PKD2L1: variants seen among roughly 807,000 people sequenced by gnomAD.
The protein encoded by PKD2L1 is polycystin-2-like protein 1.
A neutral mutation model predicts 93.0 loss-of-function variants in PKD2L1; 77 were observed. That is an observed-to-expected ratio of 0.83 (90% CI 0.69 to 1.00). PKD2L1 has a LOEUF of 1.00. PKD2L1 is among the 50% of genes least tolerant of loss of function. The pLI, the probability that PKD2L1 is intolerant of heterozygous loss-of-function variation, is 0.00. For missense variants in PKD2L1, 977 were observed against 990.9 expected (o/e 0.99, Z 0.19); for synonymous variants, 390 against 388.0 (o/e 1.01, Z -0.06).
chr10:100,299,961 A>G (rs1848641421), intron 2 of PKD2L1, among the ~76,000 whole-genome samples: 1 of 152,082 alleles, frequency 6.6e-6, no homozygotes, highest in Middle Eastern at 3.2e-3. Context: ...ACTGAACTCC[A>G]CTCAGTAGTT....
At chr10:100,304,426 A>G (rs1848753239) in intron 2 of PKD2L1, among the ~76,000 whole-genome samples, 1 of 152,232 alleles carries the variant, frequency 6.6e-6, no homozygotes, top group Admixed American at 6.5e-5. Context: ...TTCATTAAAC[A>G]AACATTATTC....
At chr10:100,312,613 A>G (rs1848959395) in intron 2 of PKD2L1, among the ~76,000 whole-genome samples, 1 of 152,154 alleles carries the variant, frequency 6.6e-6, no homozygotes, top group Admixed American at 6.6e-5. Context: ...AGATAGGAGT[A>G]GAGGACAGGG....
intron 4 of PKD2L1, 54 bp from the exon 5 acceptor site, chr10:100,297,660 T>A (rs1848579765): frequency 1.6e-6 from 2 of 1,282,688 alleles, no homozygotes; most frequent in East Asian, 4.7e-5. Flanking sequence ...CCCAAGGCAA[T>A]GGCAATGCTT....
At chr10:100,308,372 T>C (rs1848853749) in intron 2 of PKD2L1, among the ~76,000 whole-genome samples, 1 of 152,042 alleles carries the variant, frequency 6.6e-6, no homozygotes, top group Non-Finnish European at 1.5e-5. Context: ...CTCTCTCTTG[T>C]TGCCCTGGCT....
chr10:100,324,042 G>C (rs1260610882), intron 2 of PKD2L1, among the ~76,000 whole-genome samples: 1 of 152,172 alleles, frequency 6.6e-6, no homozygotes, highest in Non-Finnish European at 1.5e-5. Flanking sequence ...TGGCCAGGCT[G>C]GTCTCGAACT....
intron 10 of PKD2L1, 52 bp from the exon 11 acceptor site, chr10:100,293,121 C>T: frequency 1.9e-6 from 3 of 1,599,934 alleles, no homozygotes; most frequent in Admixed American, 1.7e-5. Flanking sequence ...TCACTCATCC[C>T]TGGCCCCCAG....
chr10:100,315,068 AGGG>A (rs1564891429), intron 2 of PKD2L1, among the ~76,000 whole-genome samples: 1 of 18,594 alleles, frequency 5.4e-5, no homozygotes, highest in East Asian at 2.1e-3. Context: ...AGGGAAGGGA[AGGG>A]AAGGGAAGGG....
chr10:100,318,097 A>G (rs1849141648), intron 2 of PKD2L1, among the ~76,000 whole-genome samples: 1 of 151,152 alleles, frequency 6.6e-6, no homozygotes. Context: ...AAAAAAAAAG[A>G]GAGAAGAAAA....
At chr10:100,289,878 T>C in intron 14 of PKD2L1, 137 bp downstream of exon 14, 2 of 1,043,334 alleles carry the variant, frequency 1.9e-6, no homozygotes, top group Non-Finnish European at 2.9e-6. Context: ...GCTGATACAC[T>C]AACCGCTATG....
intron 2 of PKD2L1, among the ~76,000 whole-genome samples, chr10:100,327,109 T>C (rs781198145): frequency 3.9e-5 from 6 of 152,118 alleles, no homozygotes; most frequent in Non-Finnish European, 8.8e-5. Flanking sequence ...TCTATGTGTT[T>C]CTCAGTCCAA....
chr10:100,294,992 G>A lies in PKD2L1; in HGVS notation c.1488C>T (p.Tyr496=). The change falls in exon 8 of 16, where the codon TAC becomes TAT. Residue 496 remains tyrosine (Y), a synonymous_variant. Transcript: ENST00000318222. The stretch of plus-strand genomic sequence containing the variant: ...TTTCCACTTGGGTCCCGAAAAGCAG[G>A]TAGCCGAGTTGGGCATAGGCGAAGA... ...IVFFAYAQLG[Y]LLFGTQVENF... is the part of the protein sequence containing the mutation. 1 of 1,614,194 alleles carries A rather than the reference G, an allele frequency of 6.2e-7. No individual in the cohort carries two copies. The highest frequency in any genetic ancestry group is 8.5e-7 in the Non-Finnish European group (1 of 1,180,036).
chr10:100,318,122 C>T (rs893512086), intron 2 of PKD2L1, among the ~76,000 whole-genome samples: 4 of 151,896 alleles, frequency 2.6e-5, no homozygotes, highest in African/African-American at 9.7e-5. Context: ...GCCCTCATTC[C>T]TTATTTTTGT....
chr10:100,291,258 G>A (rs144219094), intron 12 of PKD2L1, 43 bp downstream of exon 12: 8 of 1,592,764 alleles, frequency 5.0e-6, no homozygotes, highest in East Asian at 2.2e-5. Context: ...GAGAGGGTGA[G>A]CTATTTCCTT....
At chr10:100,302,958 G>A (rs1369932809) in intron 2 of PKD2L1, among the ~76,000 whole-genome samples, 3 of 152,064 alleles carry the variant, frequency 2.0e-5, no homozygotes, top group African/African-American at 7.2e-5. Context: ...AAGTATTTAG[G>A]AACAAAAGGG....
At chr10:100,328,740 C>T (rs1260118051) in intron 2 of PKD2L1, among the ~76,000 whole-genome samples, 1 of 152,112 alleles carries the variant, frequency 6.6e-6, no homozygotes, top group East Asian at 1.9e-4. Context: ...ATTACAGGCA[C>T]CTGCCACCCA....
intron 2 of PKD2L1, among the ~76,000 whole-genome samples, chr10:100,322,477 CA>C (rs554203238): frequency 3.7e-4 from 48 of 128,406 alleles, no homozygotes; most frequent in African/African-American, 4.9e-4. Flanking sequence ...GACTCTGTCT[CA>C]AAAAAAAAAA....
At chr10:100,294,709 A>C in intron 8 of PKD2L1, 54 bp from the exon 9 acceptor site, 2 of 1,609,446 alleles carry the variant, frequency 1.2e-6, no homozygotes, top group Non-Finnish European at 1.7e-6. Context: ...CCCCCATCCC[A>C]CTTTCCTAAT....
Position 100,321,771 on chromosome 10 carries a change from G to A in PKD2L1, c.349+7440C>T, listed in dbSNP as rs1156907331. On this transcript the variant is annotated intron_variant, in intron 2 of 15. Coordinates refer to ENST00000318222, the MANE Select transcript of PKD2L1 (RefSeq NM_016112.3). ...AGAAAGAAAGAAGGGAGGGAGGGAG[G>A]GAGGGAGGGAGGGAGGGAGGGAGGG... Among the ~76,000 whole-genome samples the A allele has an allele frequency of 2.2e-3, 7 of 3,136 alleles. 3 individuals are homozygous for A. The highest frequency in any genetic ancestry group is 9.7e-3 in the African/African-American group (7 of 724). The allele number at this position is 3,136 out of a possible 152,430, so 2.1% of individuals were successfully genotyped here. A position where few individuals can be genotyped will look rare whatever the true frequency, so the allele number is the denominator to read the frequency against.
chr10:100,290,249 G>A, intron 13 of PKD2L1, 111 bp from the exon 14 acceptor site: 1 of 1,429,556 alleles, frequency 7.0e-7, no homozygotes, highest in South Asian at 1.2e-5. Context: ...AACAAGGAAG[G>A]GAAGACCCAG....
Sources: gnomAD v4.1 joint callset for allele counts (sites outside exome capture counted in the v4.1 genomes callset) on GRCh38, gnomAD v4.1.1 for gene constraint, MANE v1.5 for transcripts, NCBI Gene and HGNC (gene_info 2026-07-23, HGNC 2026-07-21) for gene names.